Variants in THSD7A observed in about 807,000 individuals in gnomAD.
THSD7A encodes thrombospondin type-1 domain-containing protein 7A.
THSD7A carries 96 observed loss-of-function variants against 231.3 expected under a neutral mutation model. That is an observed-to-expected ratio of 0.41 (90% confidence interval 0.35 to 0.49). The LOEUF is 0.49. Among genes scored for constraint, THSD7A ranks in the 20% least tolerant of loss-of-function variants. THSD7A has a pLI of 0.05. For missense variants in THSD7A, 2,290 were observed against 2,070.2 expected (o/e 1.11, Z -2.06); for synonymous variants, 940 against 743.3 (o/e 1.26, Z -4.30).
intron 2 of THSD7A, among the ~76,000 whole-genome samples, chr7:11,594,785 G>C (rs541158860): frequency 2.6e-5 from 4 of 152,150 alleles, no homozygotes; most frequent in Non-Finnish European, 5.9e-5. Context: ...AGAAGGAGCC[G>C]AAATTGTGGA....
intron 1 of THSD7A, among the ~76,000 whole-genome samples, chr7:11,731,877 A>G (rs976753884): frequency 1.4e-5 from 2 of 144,646 alleles, no homozygotes; most frequent in Non-Finnish European, 3.0e-5. Context: ...AAATCATTGT[A>G]TATCTGCTGA....
intron 6 of THSD7A, among the ~76,000 whole-genome samples, chr7:11,486,334 C>T (rs182412476): frequency 1.2e-4 from 18 of 152,278 alleles, no homozygotes; most frequent in African/African-American, 3.4e-4. Context: ...ACATTAAACA[C>T]GCACATATCT....
At chr7:11,504,009 C>G (rs1787445162) in intron 6 of THSD7A, among the ~76,000 whole-genome samples, 1 of 152,038 alleles carries the variant, frequency 6.6e-6, no homozygotes, top group South Asian at 2.1e-4. Flanking sequence ...TACATGCATG[C>G]AAATGTTCAC....
chr7:11,793,079 A>G (rs117165096), intron 1 of THSD7A, among the ~76,000 whole-genome samples: 1 of 152,126 alleles, frequency 6.6e-6, no homozygotes, highest in East Asian at 1.9e-4. Context: ...TATCTTTCAA[A>G]TGAATATAGG....
intron 4 of THSD7A, among the ~76,000 whole-genome samples, chr7:11,586,212 A>G (rs1228909585): frequency 6.6e-6 from 1 of 152,224 alleles, no homozygotes; most frequent in Admixed American, 6.5e-5. Flanking sequence ...GTATAATTAT[A>G]GTATACTAGT....
intron 1 of THSD7A, among the ~76,000 whole-genome samples, chr7:11,687,038 G>T (rs1297447668): frequency 6.6e-6 from 1 of 151,780 alleles, no homozygotes; most frequent in Non-Finnish European, 1.5e-5. Flanking sequence ...GTGGGAGAAA[G>T]AAATTTTGAT....
At chr7:11,635,300 T>C (rs1781793527) in intron 2 of THSD7A, among the ~76,000 whole-genome samples, 2 of 152,216 alleles carry the variant, frequency 1.3e-5, no homozygotes, top group African/African-American at 4.8e-5. Context: ...TGCATAAATA[T>C]TTCTGAAAAA....
Position 11,444,016 on chromosome 7 carries a change from C to T in THSD7A, c.3064+2045G>A, listed in dbSNP as rs577331467. Among the ~76,000 whole-genome samples, 22 of 151,908 alleles carry T rather than the reference C, an allele frequency of 1.4e-4. No homozygotes were observed. The highest frequency in any genetic ancestry group is 3.3e-4 in the Admixed American group (5 of 15,240). On this transcript the variant is annotated intron_variant, in intron 13 of 27. Transcript: ENST00000423059. The surrounding 1 kb of genome is among the most constrained non-coding windows in gnomAD (Gnocchi z 4.2). ...ATATGAACAGGCAGTTCTCAAAAGACGACATTTATGTGGCTAACAAACATA... is the reference window on the plus strand; with the variant it reads ...ATATGAACAGGCAGTTCTCAAAAGATGACATTTATGTGGCTAACAAACATA...
intron 1 of THSD7A, among the ~76,000 whole-genome samples, chr7:11,748,931 C>T (rs1352668791): frequency 2.0e-5 from 3 of 151,912 alleles, no homozygotes; most frequent in Admixed American, 1.3e-4. Flanking sequence ...TTTATAGCTG[C>T]AGCGAACACC....
intron 1 of THSD7A, among the ~76,000 whole-genome samples, chr7:11,784,110 A>G (rs1411885326): frequency 2.0e-5 from 3 of 152,138 alleles, no homozygotes; most frequent in Middle Eastern, 3.4e-3. Context: ...CTTTGAAACT[A>G]GGGTGTCTCC....
intron 6 of THSD7A, among the ~76,000 whole-genome samples, chr7:11,528,159 C>T (rs575876452): frequency 6.6e-6 from 1 of 151,974 alleles, no homozygotes; most frequent in Non-Finnish European, 1.5e-5. Context: ...CAGAGTGAGA[C>T]CCATTCTCTA....
At chr7:11,679,712 A>G (rs1290046307) in intron 1 of THSD7A, among the ~76,000 whole-genome samples, 1 of 152,200 alleles carries the variant, frequency 6.6e-6, no homozygotes, top group East Asian at 1.9e-4. Flanking sequence ...AAACAAATGG[A>G]AAAGCATTCC....
At position 11,791,672 on chromosome 7, in the gene THSD7A, T is replaced by A. The variant is rs540583683; in HGVS notation, c.190+40085A>T. On this transcript the variant is annotated intron_variant, in intron 1 of 27. Coordinates refer to ENST00000423059, the MANE Select transcript of THSD7A (RefSeq NM_015204.3). ...TTAGACGAAAAGAGAGCATAACCTATCTAGTGTAGTTCTTTAAATGTTAAA... is the reference window on the plus strand; with the variant it reads ...TTAGACGAAAAGAGAGCATAACCTAACTAGTGTAGTTCTTTAAATGTTAAA... Among the ~76,000 whole-genome samples the A allele has an allele frequency of 8.5e-5, 13 of 152,114 alleles. No homozygotes were observed. The East Asian group carries it at 2.3e-3, about 27-fold the overall frequency.
chr7:11,797,461 C>T lies in THSD7A; in HGVS notation c.190+34296G>A, dbSNP rs541859785. On this transcript the variant is annotated intron_variant, in intron 1 of 27. Transcript: ENST00000423059. ...AGACAGGGTCGTGTTCTGTAACCCA[C>T]GCTGGAGTGCAGTGGCACAATCTTG... Among the ~76,000 whole-genome samples, 72 of 143,384 alleles carry T rather than the reference C, an allele frequency of 5.0e-4. 1 individual carries two copies. The South Asian group carries it at 0.016, about 32-fold the overall frequency. The allele number at this position is 143,384 out of a possible 152,430, so 94.1% of individuals were successfully genotyped here.
intron 1 of THSD7A, among the ~76,000 whole-genome samples, chr7:11,667,617 A>C (rs1348816300): frequency 6.6e-6 from 1 of 152,172 alleles, no homozygotes; most frequent in African/African-American, 2.4e-5. Flanking sequence ...ACCACATTAC[A>C]AAAATAGACT....
intron 6 of THSD7A, among the ~76,000 whole-genome samples, chr7:11,495,141 A>C (rs539165317): frequency 6.6e-6 from 1 of 152,238 alleles, no homozygotes; most frequent in Non-Finnish European, 1.5e-5. Context: ...ATTGCCAGAA[A>C]CATTATATTC....
At chr7:11,651,401 T>C (rs1472091161) in intron 1 of THSD7A, among the ~76,000 whole-genome samples, 1 of 152,016 alleles carries the variant, frequency 6.6e-6, no homozygotes, top group African/African-American at 2.4e-5. Context: ...TTAGTGCCAC[T>C]GAATTTTTCA....
Position 11,519,581 on chromosome 7 carries a change from AGCCATTTTG to A in THSD7A, c.1822+21829_1822+21837del, listed in dbSNP as rs146621748. Among the ~76,000 whole-genome samples, 185 of 152,214 alleles carry A rather than the reference AGCCATTTTG, an allele frequency of 1.2e-3. 4 individuals are homozygous for A. In the East Asian group the frequency reaches 0.028, roughly 23 times the overall value. ...GAATTGTTTAGCTTTTTACACTTTT[AGCCATTTTG>A]GTGTGTAGAGGTGTATCATTTTGGT... is the stretch of plus-strand genomic sequence containing the variant. On this transcript the variant is annotated intron_variant, in intron 6 of 27. Transcript: ENST00000423059.
intron 6 of THSD7A, among the ~76,000 whole-genome samples, chr7:11,528,756 T>C (rs1335903989): frequency 4.1e-4 from 63 of 152,164 alleles, no homozygotes; most frequent in Non-Finnish European, 2.9e-5. Context: ...GTTTCAACCA[T>C]AGGTGCTCCT....
Sources: allele counts gnomAD v4.1 joint callset (sites outside exome capture counted in the v4.1 genomes callset), GRCh38; gene constraint gnomAD v4.1.1; non-coding constraint Gnocchi (gnomAD v3.1); transcripts MANE v1.5; gene names NCBI Gene and HGNC (gene_info 2026-07-23, HGNC 2026-07-21).